Variants in MMRN1 observed in about 807,000 individuals in gnomAD.
MMRN1 encodes the protein multimerin-1.
MMRN1 carries 94 observed loss-of-function variants against 100.7 expected under a neutral mutation model. The observed-to-expected ratio is 0.93, with a 90% CI of 0.79 to 1.11. The LOEUF (loss-of-function observed/expected upper bound fraction) is 1.11. MMRN1 is among the 50% of genes least tolerant of loss of function. The pLI, the probability that MMRN1 is intolerant of heterozygous loss-of-function variation, is 0.00. For synonymous variants in MMRN1, 575 were observed against 505.0 expected, an observed-to-expected ratio of 1.14 and a Z score of -1.86; for missense variants, 1,606 against 1,439.1, an observed-to-expected ratio of 1.12 and a Z score of -1.88.
At position 89,936,483 on chromosome 4, in the gene MMRN1, T is replaced by G. The variant is rs752526555; in HGVS notation, c.2803T>G (p.Ser935Ala). 2 of 1,613,230 alleles carry G rather than the reference T, an allele frequency of 1.2e-6. No individual in the cohort carries two copies. Among genetic ancestry groups the G allele is most frequent in the Non-Finnish European group, 1.7e-6 (2 of 1,179,650 alleles). ...HEVLTMCHNA[S>A]TSVSELNATI... is the part of the protein sequence containing the mutation. ...AGTTTTAACAATGTGTCACAATGCT[T>G]CTACAAGTGTGTCAGAACTGAATGC... Residue 935 changes from serine (S) to alanine (A), a missense_variant, in exon 6 of 8, where the codon TCT becomes GCT. Physicochemically the swap from Ser to Ala is moderately conservative, Grantham distance 99. Coordinates refer to ENST00000264790, the MANE Select transcript of MMRN1 (RefSeq NM_007351.3).
chr4:89,888,197 G>A (rs560131246), intron 1 of MMRN1, among the ~76,000 whole-genome samples: 2 of 151,760 alleles, frequency 1.3e-5, no homozygotes, highest in African/African-American at 4.8e-5. Flanking sequence ...TAGCGCAATG[G>A]GTTTCTCTAG....
At chr4:89,951,828 G>A in intron 7 of MMRN1, 77 bp downstream of exon 7, 1 of 1,480,500 alleles carries the variant, frequency 6.8e-7, no homozygotes, top group Non-Finnish European at 9.2e-7. Flanking sequence ...ATTTATTAAT[G>A]AATATTTAAG....
At chr4:89,892,270 T>C (rs1477937661), upstream of MMRN1, among the ~76,000 whole-genome samples, 1 of 151,606 alleles carries the variant, frequency 6.6e-6, no homozygotes, top group East Asian at 1.9e-4. Flanking sequence ...TAAAACATAA[T>C]TTAATATGAA....
At chr4:89,951,772 T>C in intron 7 of MMRN1, 21 bp downstream of exon 7, 1 of 1,607,072 alleles carries the variant, frequency 6.2e-7, no homozygotes, top group Non-Finnish European at 8.5e-7. Context: ...AGTATACGCA[T>C]CTTTGGATTT....
chr4:89,935,316 A>C lies in MMRN1; in HGVS notation c.1636A>C (p.Met546Leu). ...AGTTAGCAATAATGTCACTGAGTAC[A>C]TGTCTACTTTACATGAAAATATAAA... ...ESVSNNVTEY[M>L]STLHENIKKQ... The change falls in exon 6 of 8, where the codon ATG becomes CTG. Residue 546 changes from methionine (M) to leucine (L), a missense_variant. Physicochemically the swap from Met to Leu is conservative, Grantham distance 15. Transcript: ENST00000264790. 6.2e-7 allele frequency: 1 copy of C among 1,613,758 alleles called. No homozygotes were observed. The highest frequency in any genetic ancestry group is 8.5e-7 in the Non-Finnish European group (1 of 1,179,788).
chr4:89,951,366 A>G (rs1443598394), intron 6 of MMRN1: 1 of 365,350 alleles, frequency 2.7e-6, no homozygotes, highest in African/African-American at 2.1e-5. Flanking sequence ...AACATTTCAC[A>G]CCAATAAATG....
At chr4:89,936,860 T>C in intron 6 of MMRN1, 62 bp downstream of exon 6, 1 of 1,440,414 alleles carries the variant, frequency 6.9e-7, no homozygotes, top group Non-Finnish European at 9.3e-7. Context: ...ATTTAATAGA[T>C]CTGTACAGTT....
chr4:89,942,740 A>T (rs1384820801), intron 6 of MMRN1, among the ~76,000 whole-genome samples: 1 of 152,196 alleles, frequency 6.6e-6, no homozygotes, highest in Non-Finnish European at 1.5e-5. Context: ...TTACCCTAAA[A>T]TCAAATTACC....
At chr4:89,886,066 A>G (rs972958266) in intron 1 of MMRN1, among the ~76,000 whole-genome samples, 3 of 85,134 alleles carry the variant, frequency 3.5e-5, no homozygotes, top group Admixed American at 1.2e-4. Context: ...TTTTTTTTGT[A>G]TTTTAGTAGA....
At chr4:89,906,438 G>A (rs1264329929) in intron 1 of MMRN1, among the ~76,000 whole-genome samples, 1 of 151,472 alleles carries the variant, frequency 6.6e-6, no homozygotes, top group African/African-American at 2.4e-5. Flanking sequence ...AAGCAACAGA[G>A]TTATTACCCT....
chr4:89,902,536 A>T (rs1721426087), intron 1 of MMRN1, among the ~76,000 whole-genome samples: 1 of 151,968 alleles, frequency 6.6e-6, no homozygotes, highest in South Asian at 2.1e-4. Flanking sequence ...ACATCCTGTG[A>T]TGGCCATACA....
intron 6 of MMRN1, among the ~76,000 whole-genome samples, chr4:89,938,508 T>A (rs1232506159): frequency 3.6e-5 from 3 of 82,398 alleles, no homozygotes; most frequent in South Asian, 3.5e-4. Flanking sequence ...TATATATATA[T>A]ATATTTAAAA....
chr4:89,952,233 G>T (rs1371664652), intron 7 of MMRN1, among the ~76,000 whole-genome samples: 1 of 152,118 alleles, frequency 6.6e-6, no homozygotes, highest in East Asian at 1.9e-4. Flanking sequence ...GTTAGAACAT[G>T]CTCAAATGTA....
At chr4:89,919,175 T>C (rs2110609021) in intron 3 of MMRN1, among the ~76,000 whole-genome samples, 1 of 151,618 alleles carries the variant, frequency 6.6e-6, no homozygotes, top group African/African-American at 2.4e-5. Context: ...AATGCTCTTA[T>C]TATTTTAAAA....
chr4:89,940,700 A>G (rs1409587004), intron 6 of MMRN1, among the ~76,000 whole-genome samples: 1 of 152,140 alleles, frequency 6.6e-6, no homozygotes, highest in Non-Finnish European at 1.5e-5. Context: ...AAACCTTATA[A>G]GTTTATTTTG....
At chr4:89,927,070 T>C (rs1040854211) in intron 4 of MMRN1, among the ~76,000 whole-genome samples, 2 of 152,060 alleles carry the variant, frequency 1.3e-5, no homozygotes, top group African/African-American at 4.8e-5. Flanking sequence ...ATTCCTCCAG[T>C]TGTTCCTTCA....
chr4:89,895,058 A>G lies in MMRN1; in HGVS notation c.87A>G (p.Ile29Met), dbSNP rs192580307. 15 of 1,613,894 alleles carry G rather than the reference A, an allele frequency of 9.3e-6. No individual in the cohort carries two copies. The East Asian group carries it at 3.1e-4, about 34-fold the overall frequency. Residue 29 changes from isoleucine (I) to methionine (M), a missense_variant, in exon 1 of 8, where the codon ATA becomes ATG. Physicochemically the swap from Ile to Met is conservative, Grantham distance 10. Transcript: ENST00000264790. Reference protein sequence around the residue: ...GLNNSKHSWTIPEDGNSQKTM... With the variant: ...GLNNSKHSWTMPEDGNSQKTM... Reference sequence around the variant, plus strand: ...ACAACAGTAAGCATTCTTGGACTATACCTGAGGATGGGAACTCTCAGAAGA... The same window carrying G: ...ACAACAGTAAGCATTCTTGGACTATGCCTGAGGATGGGAACTCTCAGAAGA...
intron 1 of MMRN1, among the ~76,000 whole-genome samples, chr4:89,887,037 C>T (rs1286808795): frequency 6.6e-6 from 1 of 152,062 alleles, no homozygotes; most frequent in African/African-American, 2.4e-5. Context: ...CCTGTGATAA[C>T]CAAAATTCTA....
chr4:89,903,751 G>A (rs1721464180), intron 1 of MMRN1, among the ~76,000 whole-genome samples: 1 of 151,716 alleles, frequency 6.6e-6, no homozygotes, highest in African/African-American at 2.4e-5. Flanking sequence ...TATAAATTGT[G>A]GAGTCAAGAT....
Sources: allele counts gnomAD v4.1 joint callset (sites outside exome capture counted in the v4.1 genomes callset), GRCh38; gene constraint gnomAD v4.1.1; transcripts MANE v1.5; gene names NCBI Gene and HGNC (gene_info 2026-07-23, HGNC 2026-07-21).